The following CCSER1 variants were observed in gnomAD, a reference collection of about 807,000 sequenced individuals.
CCSER1 encodes serine-rich coiled-coil domain-containing protein 1.
A neutral mutation model predicts 82.0 loss-of-function variants in CCSER1; 41 were observed. That is an observed-to-expected ratio of 0.50 (90% confidence interval 0.39 to 0.65). The LOEUF is 0.65. Ranked by LOEUF, CCSER1 falls within the 30% of genes least tolerant of loss-of-function variation. The pLI is 0.00. For missense variants in CCSER1, 1,119 were observed against 1,064.2 expected (o/e 1.05, Z -0.72); for synonymous variants, 414 against 383.9 (o/e 1.08, Z -0.92).
intron 7 of CCSER1, among the ~76,000 whole-genome samples, chr4:90,795,897 C>G (rs1203015681): frequency 1.3e-5 from 2 of 152,070 alleles, no homozygotes; most frequent in East Asian, 3.9e-4. Context: ...TTTGTTTTGC[C>G]AGTATTTTTT....
intron 10 of CCSER1, among the ~76,000 whole-genome samples, chr4:91,128,208 T>C (rs564574454): frequency 2.4e-4 from 36 of 152,090 alleles, no homozygotes; most frequent in Non-Finnish European, 4.6e-4. Context: ...CTTCAGTTTC[T>C]GCCTCTAACT....
chr4:91,417,272 A>T (rs773504415), intron 10 of CCSER1, among the ~76,000 whole-genome samples: 1 of 152,178 alleles, frequency 6.6e-6, no homozygotes, highest in East Asian at 1.9e-4. Context: ...ACCATTGTGG[A>T]TACAGTGTGG....
chr4:91,399,540 C>T (rs1752195792), intron 10 of CCSER1, among the ~76,000 whole-genome samples: 1 of 151,952 alleles, frequency 6.6e-6, no homozygotes, highest in Admixed American at 6.6e-5. Flanking sequence ...TCTGAAGAGA[C>T]TTTCATATAG....
At chr4:90,945,667 G>A (rs189885087) in intron 9 of CCSER1, among the ~76,000 whole-genome samples, 84 of 152,200 alleles carry the variant, frequency 5.5e-4, no homozygotes, top group Non-Finnish European at 9.1e-4. Flanking sequence ...TTTAGTGCCC[G>A]AACCGCTAAT....
At chr4:90,861,739 G>A (rs1341564510) in intron 8 of CCSER1, among the ~76,000 whole-genome samples, 2 of 151,536 alleles carry the variant, frequency 1.3e-5, no homozygotes, top group Non-Finnish European at 3.0e-5. Flanking sequence ...AATGTACTTT[G>A]TGAATACTAT....
intron 1 of CCSER1, among the ~76,000 whole-genome samples, chr4:90,203,784 TTG>T (rs1560791684): frequency 6.6e-6 from 1 of 152,202 alleles, no homozygotes; most frequent in East Asian, 1.9e-4. Flanking sequence ...TCCACAATGG[TTG>T]AACTAACTTA....
chr4:90,594,815 G>T (rs1783124781), intron 5 of CCSER1, among the ~76,000 whole-genome samples: 1 of 152,010 alleles, frequency 6.6e-6, no homozygotes, highest in South Asian at 2.1e-4. Context: ...AAGTGACCAT[G>T]TCAGAGTTAA....
At chr4:90,130,773 G>C (rs1202364885) in intron 1 of CCSER1, among the ~76,000 whole-genome samples, 1 of 151,396 alleles carries the variant, frequency 6.6e-6, no homozygotes, top group Non-Finnish European at 1.5e-5. Context: ...ACAGGCGCAT[G>C]CCACCCCGCC....
chr4:90,787,744 A>G (rs1754711545), intron 7 of CCSER1, among the ~76,000 whole-genome samples: 1 of 152,220 alleles, frequency 6.6e-6, no homozygotes, highest in Non-Finnish European at 1.5e-5. Context: ...TGTACTGATT[A>G]GAGGTCAAAG....
Position 90,309,030 on chromosome 4 carries a change from C to G in CCSER1, c.746C>G (p.Ala249Gly). 6.2e-7 allele frequency: 1 copy of G among 1,613,838 alleles called. No homozygotes were observed. The highest frequency in any genetic ancestry group is 1.1e-5 in the South Asian group (1 of 91,082). The change falls in exon 2 of 11, where the codon GCT (alanine) becomes GGT (glycine). Residue 249 changes from alanine (A) to glycine (G), a missense_variant. Transcript: ENST00000509176. ...GSSLQSPLLS[A>G]DLTTAQTPSE... is the part of the protein sequence containing the mutation. ...TCTTTACAATCTCCTTTGCTTTCTG[C>G]TGATCTTACCACAGCTCAGACACCT...
intron 10 of CCSER1, among the ~76,000 whole-genome samples, chr4:91,424,762 A>G (rs1187549166): frequency 3.3e-5 from 5 of 152,168 alleles, no homozygotes; most frequent in African/African-American, 4.8e-5. Flanking sequence ...AGAGTAAAAT[A>G]TGCCTTATTT....
intron 5 of CCSER1, among the ~76,000 whole-genome samples, chr4:90,483,620 C>A (rs1311277695): frequency 6.6e-6 from 1 of 152,130 alleles, no homozygotes; most frequent in Non-Finnish European, 1.5e-5. Context: ...TTTATTTCTC[C>A]TTCACTTATG....
chr4:90,888,988 A>G (rs1722562319), intron 8 of CCSER1, among the ~76,000 whole-genome samples: 1 of 152,076 alleles, frequency 6.6e-6, no homozygotes, highest in African/African-American at 2.4e-5. Context: ...TCACATAGCA[A>G]TGTCATAGTT....
chr4:90,480,971 T>A (rs1765856541), intron 5 of CCSER1, among the ~76,000 whole-genome samples: 1 of 152,216 alleles, frequency 6.6e-6, no homozygotes, highest in Admixed American at 6.5e-5. Flanking sequence ...GTTTGGGCAG[T>A]ATGGCCATTT....
chr4:91,344,014 T>C (rs1747889851), intron 10 of CCSER1, among the ~76,000 whole-genome samples: 1 of 152,196 alleles, frequency 6.6e-6, no homozygotes, highest in South Asian at 2.1e-4. Context: ...CCATTTATCA[T>C]TGGAATTAGC....
chr4:90,844,051 A>G (rs1762893060), intron 8 of CCSER1, among the ~76,000 whole-genome samples: 1 of 151,892 alleles, frequency 6.6e-6, no homozygotes, highest in African/African-American at 2.4e-5. Flanking sequence ...ACATTCTCCA[A>G]TATATTATTA....
intron 10 of CCSER1, among the ~76,000 whole-genome samples, chr4:91,242,366 A>G (rs2149131549): frequency 6.6e-6 from 1 of 152,308 alleles, no homozygotes; most frequent in African/African-American, 2.4e-5. Context: ...TATTTTCATT[A>G]TTGTAGAAAA....
chr4:91,498,334 G>A (rs1759036115), intron 10 of CCSER1, among the ~76,000 whole-genome samples: 1 of 151,676 alleles, frequency 6.6e-6, no homozygotes, highest in Non-Finnish European at 1.5e-5. Flanking sequence ...TTATCCCTCC[G>A]GGATAACTTT....
chr4:90,156,701 C>A (rs1307007374), intron 1 of CCSER1, among the ~76,000 whole-genome samples: 1 of 152,080 alleles, frequency 6.6e-6, no homozygotes, highest in Non-Finnish European at 1.5e-5. Flanking sequence ...GCAACCCCTG[C>A]CTTTTTTTGT....
Sources: gnomAD v4.1 joint callset for allele counts (sites outside exome capture counted in the v4.1 genomes callset) on GRCh38, gnomAD v4.1.1 for gene constraint, MANE v1.5 for transcripts, NCBI Gene and HGNC (gene_info 2026-07-23, HGNC 2026-07-21) for gene names.